The following TMEM232 variants were observed in gnomAD, a reference collection of about 807,000 sequenced individuals.
TMEM232 encodes transmembrane protein 232.
A neutral mutation model predicts 78.8 loss-of-function variants in TMEM232; 80 were observed. The observed-to-expected ratio is 1.01, with a 90% CI of 0.85 to 1.22. The LOEUF (loss-of-function observed/expected upper bound fraction) is 1.22. Ranked by LOEUF, TMEM232 falls within the 50% of genes most tolerant of loss-of-function variation. The pLI is 0.00. For synonymous variants in TMEM232, 297 were observed against 254.3 expected (o/e 1.17, Z -1.60); for missense variants, 881 against 742.2 (o/e 1.19, Z -2.17).
chr5:110,649,879 C>T, intron 2 of TMEM232, among the ~76,000 whole-genome samples: 1 of 152,034 alleles, frequency 6.6e-6, no homozygotes, highest in Admixed American at 6.6e-5. Flanking sequence ...GCCAGACTTC[C>T]TGTGGTTTGA....
intron 3 of TMEM232, among the ~76,000 whole-genome samples, chr5:110,394,041 T>C (rs1755300192): frequency 6.6e-6 from 1 of 152,036 alleles, no homozygotes; most frequent in South Asian, 2.1e-4. Context: ...TCTTATTAAT[T>C]ATATTTAAAT....
intron 11 of TMEM232, among the ~76,000 whole-genome samples, chr5:110,561,465 G>A (rs956852841): frequency 4.0e-5 from 6 of 151,882 alleles, no homozygotes; most frequent in Non-Finnish European, 5.9e-5. Context: ...CACATAAAGT[G>A]TTTATCAGAT....
rs538079243 is a variant in TMEM232, at chr5:110,714,943, T to C, written c.-13+11684A>G. On this transcript the variant is annotated intron_variant, in intron 1 of 13. Transcript: ENST00000455884. ...AGGAGAATTACTCAAGAAAAAAGTT[T>C]GATTAATATCACATTCTGTAAAAGT... Among the ~76,000 whole-genome samples the C allele has an allele frequency of 2.6e-5, 4 of 152,268 alleles. No individual in the cohort carries two copies. In the East Asian group the frequency reaches 7.7e-4, roughly 29 times the overall value.
intron 10 of TMEM232, among the ~76,000 whole-genome samples, chr5:110,571,020 GA>G (rs1428483629): frequency 6.6e-6 from 1 of 151,880 alleles, no homozygotes; most frequent in Non-Finnish European, 1.5e-5. Flanking sequence ...CACTTAACCA[GA>G]AATTATCCTG....
intron 12 of TMEM232, among the ~76,000 whole-genome samples, chr5:110,432,583 C>A (rs1213464636): frequency 6.6e-6 from 1 of 151,662 alleles, no homozygotes. Context: ...GAGACTACCA[C>A]ACAACTAGCT....
At chr5:110,654,042 A>C (rs1788693940) in intron 2 of TMEM232, among the ~76,000 whole-genome samples, 1 of 152,202 alleles carries the variant, frequency 6.6e-6, no homozygotes, top group Non-Finnish European at 1.5e-5. Flanking sequence ...AGTAAATATG[A>C]GAGGAGATTC....
chr5:110,580,460 G>T (rs1292841987), intron 10 of TMEM232, among the ~76,000 whole-genome samples: 1 of 151,674 alleles, frequency 6.6e-6, no homozygotes, highest in Non-Finnish European at 1.5e-5. Flanking sequence ...CTAGGTGTGT[G>T]TAAGTATACT....
intron 2 of TMEM232, among the ~76,000 whole-genome samples, chr5:110,662,481 AT>A (rs1412847701): frequency 6.6e-6 from 1 of 152,138 alleles, no homozygotes; most frequent in Non-Finnish European, 1.5e-5. Context: ...ACTCCCTTTA[AT>A]TTTTCAAAAA....
At chr5:110,725,906 G>A (rs1273705433) in intron 1 of TMEM232, 1 of 139,418 alleles carries the variant, frequency 7.2e-6, no homozygotes, top group East Asian at 2.1e-4. Flanking sequence ...ACTCTAACCT[G>A]AGGAAGCAAA....
At chr5:110,490,121 A>G (rs1034894431) in intron 12 of TMEM232, among the ~76,000 whole-genome samples, 2 of 110,478 alleles carry the variant, frequency 1.8e-5, no homozygotes, top group Admixed American at 2.3e-4. Flanking sequence ...CTCCGTTTCA[A>G]AAAGAAAGAA....
chr5:110,668,585 G>A (rs537323636), intron 1 of TMEM232, among the ~76,000 whole-genome samples: 1 of 152,034 alleles, frequency 6.6e-6, no homozygotes, highest in Non-Finnish European at 1.5e-5. Flanking sequence ...TTGATGTATA[G>A]CAAGCTCTCC....
At chr5:110,716,343 T>C (rs67692128) in intron 1 of TMEM232, among the ~76,000 whole-genome samples, 17,332 of 152,164 alleles carry the variant, frequency 0.11, 1,089 homozygotes, top group African/African-American at 0.17. Flanking sequence ...TGCACTTTAT[T>C]TCTATTATTG....
chr5:110,453,515 T>A (rs562285691), intron 12 of TMEM232, among the ~76,000 whole-genome samples: 1 of 1,300 alleles, frequency 7.7e-4, no homozygotes, highest in Non-Finnish European at 1.4e-3. Context: ...TTGGCCAGGA[T>A]GGTCTTGATC....
At chr5:110,517,865 T>C (rs756443915) in intron 12 of TMEM232, among the ~76,000 whole-genome samples, 1 of 152,230 alleles carries the variant, frequency 6.6e-6, no homozygotes, top group Non-Finnish European at 1.5e-5. Flanking sequence ...AAGTTTAATT[T>C]ACTAATCCCT....
chr5:110,466,616 GTTTTT>G (rs59026770), intron 12 of TMEM232, among the ~76,000 whole-genome samples: 3 of 143,434 alleles, frequency 2.1e-5, no homozygotes, highest in African/African-American at 7.7e-5. Flanking sequence ...GACAAGCATA[GTTTTT>G]TTTTTTTTTG....
At chr5:110,695,659 GA>G (rs1399465521) in intron 1 of TMEM232, among the ~76,000 whole-genome samples, 3 of 152,134 alleles carry the variant, frequency 2.0e-5, no homozygotes, top group African/African-American at 7.2e-5. Context: ...TACCATCAGA[GA>G]ATACTATAAA....
At position 110,688,192 on chromosome 5, in the gene TMEM232, T is replaced by C. The variant is rs145146788; in HGVS notation, c.-12-20828A>G. Among the ~76,000 whole-genome samples, 968 of 152,218 alleles carry C rather than the reference T, an allele frequency of 6.4e-3. 19 individuals are homozygous for C. The highest frequency in any genetic ancestry group is 0.022 in the African/African-American group (895 of 41,546). On this transcript the variant is annotated intron_variant, in intron 1 of 13. Transcript: ENST00000455884. Reference sequence around the variant, plus strand: ...CAAATGAGTTCTGGCAGAAGATAAATGTAGAATTTCATTTCTATATGGATA... The same window carrying C: ...CAAATGAGTTCTGGCAGAAGATAAACGTAGAATTTCATTTCTATATGGATA...
intron 10 of TMEM232, among the ~76,000 whole-genome samples, chr5:110,574,391 T>C (rs1442162314): frequency 2.0e-5 from 3 of 152,122 alleles, no homozygotes; most frequent in Non-Finnish European, 4.4e-5. Flanking sequence ...GAATTAACCA[T>C]GCTCAAAGAG....
chr5:110,483,562 A>G (rs893086124), intron 12 of TMEM232, among the ~76,000 whole-genome samples: 6 of 151,976 alleles, frequency 3.9e-5, no homozygotes, highest in African/African-American at 9.7e-5. Context: ...GAACACATGG[A>G]CACAGGGAGG....
Sources: allele counts gnomAD v4.1 joint callset (sites outside exome capture counted in the v4.1 genomes callset), GRCh38; gene constraint gnomAD v4.1.1; transcripts MANE v1.5; gene names NCBI Gene and HGNC (gene_info 2026-07-23, HGNC 2026-07-21).